Variants in OPRD1 observed in about 807,000 individuals in gnomAD.
OPRD1 encodes opioid receptor delta 1.
OPRD1 carries 19 observed loss-of-function variants against 17.5 expected under a neutral mutation model. The ratio of observed to expected loss-of-function variants is 1.09; its 90% confidence interval spans 0.76 to 1.60. OPRD1 has a LOEUF of 1.60. OPRD1 is among the 40% of genes most tolerant of loss of function. OPRD1 has a pLI of 0.00. For missense variants in OPRD1, 483 were observed against 547.2 expected (o/e 0.88, Z 1.17); for synonymous variants, 256 against 240.9 (o/e 1.06, Z -0.58).
intron 1 of OPRD1, among the ~76,000 whole-genome samples, chr1:28,845,936 G>A (rs2088936672): frequency 6.6e-6 from 1 of 152,170 alleles, no homozygotes; most frequent in Admixed American, 6.6e-5. Flanking sequence ...GATCTTTTAA[G>A]AAACTCACAT....
chr1:28,855,479 T>G, intron 1 of OPRD1, among the ~76,000 whole-genome samples: 2 of 144,422 alleles, frequency 1.4e-5, no homozygotes, highest in East Asian at 2.0e-4. Context: ...AGCAGGGGAG[T>G]GGCATGATTT....
Position 28,865,753 on chromosome 1 carries a change from A to T in OPRD1, c.*2470A>T, listed in dbSNP as rs2089170634. The stretch of plus-strand genomic sequence containing the variant: ...TGTCTGAGGGTGGGAGGTCGTCAGC[A>T]TGGCAGGAGACACTTCTCCTCATCA... On this transcript the variant is annotated 3_prime_UTR_variant, in exon 3 of 3. Coordinates refer to ENST00000234961, the MANE Select transcript of OPRD1 (RefSeq NM_000911.4). The T allele has an allele frequency of 6.6e-6, 1 of 152,028 alleles. No homozygotes were observed. Among genetic ancestry groups the T allele is most frequent in the Admixed American group, 6.6e-5 (1 of 15,254 alleles). The allele number at this position is 152,028 out of a possible 1,614,324, so 9.4% of individuals were successfully genotyped here. A position where few individuals can be genotyped will look rare whatever the true frequency, so the allele number is the denominator to read the frequency against.
chr1:28,823,501 A>G (rs979387089), intron 1 of OPRD1, among the ~76,000 whole-genome samples: 2 of 151,990 alleles, frequency 1.3e-5, no homozygotes, highest in Non-Finnish European at 2.9e-5. Context: ...GGTTCAAGCA[A>G]TTCCCCTGCC....
At chr1:28,860,424 C>G (rs532478851) in intron 2 of OPRD1, among the ~76,000 whole-genome samples, 1 of 151,868 alleles carries the variant, frequency 6.6e-6, no homozygotes, top group Non-Finnish European at 1.5e-5. Flanking sequence ...CATGGCCCCA[C>G]CTTAATGCAA....
At chr1:28,832,121 G>A (rs545043103) in intron 1 of OPRD1, among the ~76,000 whole-genome samples, 1 of 152,276 alleles carries the variant, frequency 6.6e-6, no homozygotes, top group South Asian at 2.1e-4. Flanking sequence ...TGTCCATGAA[G>A]AAGGCTGAAC....
intron 1 of OPRD1, among the ~76,000 whole-genome samples, chr1:28,840,253 TGG>T (rs1339496838): frequency 3.9e-5 from 6 of 152,150 alleles, no homozygotes; most frequent in African/African-American, 1.4e-4. Flanking sequence ...CCCTGCCCTC[TGG>T]GAGCTTATAT....
intron 1 of OPRD1, among the ~76,000 whole-genome samples, chr1:28,835,516 C>T (rs1040686568): frequency 2.0e-5 from 3 of 152,256 alleles, no homozygotes; most frequent in African/African-American, 4.8e-5. Flanking sequence ...TTGCCACTCT[C>T]GTTAAGTGGT....
chr1:28,842,254 G>A (rs10799122), intron 1 of OPRD1, among the ~76,000 whole-genome samples: 3 of 151,890 alleles, frequency 2.0e-5, no homozygotes, highest in African/African-American at 4.8e-5. Flanking sequence ...GGTCTCCAAC[G>A]CCTGAGCTCA....
intron 1 of OPRD1, among the ~76,000 whole-genome samples, chr1:28,852,807 T>G (rs1254737609): frequency 6.6e-6 from 1 of 152,112 alleles, no homozygotes; most frequent in African/African-American, 2.4e-5. Context: ...AACCTCTGCC[T>G]TCCTGGGTGC....
At chr1:28,835,884 G>A (rs932423903) in intron 1 of OPRD1, among the ~76,000 whole-genome samples, 3 of 152,248 alleles carry the variant, frequency 2.0e-5, no homozygotes, top group African/African-American at 7.2e-5. Flanking sequence ...ATCCCTCTGA[G>A]CCTCAACATT....
intron 1 of OPRD1, among the ~76,000 whole-genome samples, chr1:28,841,022 AAAACCAAT>A (rs1361150928): frequency 6.6e-6 from 1 of 152,254 alleles, no homozygotes; most frequent in Non-Finnish European, 1.5e-5. Context: ...GTTAAAAAAC[AAAACCAAT>A]TACAGGCTTA....
intron 1 of OPRD1, among the ~76,000 whole-genome samples, chr1:28,830,668 T>C (rs894382124): frequency 2.0e-5 from 3 of 152,250 alleles, no homozygotes; most frequent in African/African-American, 7.2e-5. Flanking sequence ...ATAATGGTGC[T>C]GATAACTTGC....
chr1:28,832,045 C>G (rs962317047), intron 1 of OPRD1, among the ~76,000 whole-genome samples: 2 of 152,186 alleles, frequency 1.3e-5, no homozygotes, highest in African/African-American at 4.8e-5. Context: ...AGCCTTTGAA[C>G]TGAGGCCCCT....
chr1:28,844,991 C>T (rs1014661404), intron 1 of OPRD1, among the ~76,000 whole-genome samples: 6 of 152,110 alleles, frequency 3.9e-5, no homozygotes, highest in African/African-American at 1.4e-4. Context: ...GGTGACCCAC[C>T]TGCCTTGGCC....
intron 2 of OPRD1, among the ~76,000 whole-genome samples, chr1:28,862,154 T>A (rs562177046): frequency 6.6e-6 from 1 of 151,584 alleles, no homozygotes; most frequent in East Asian, 2.0e-4. Context: ...CCTGACCTCA[T>A]GATCTGCCCT....
chr1:28,818,893 G>A (rs2088690803), intron 1 of OPRD1, among the ~76,000 whole-genome samples: 1 of 152,110 alleles, frequency 6.6e-6, no homozygotes, highest in African/African-American at 2.4e-5. Context: ...GCTGAGGCTG[G>A]ACAGGTCCTC....
At chr1:28,846,682 C>CA (rs2088946378) in intron 1 of OPRD1, among the ~76,000 whole-genome samples, 1 of 85,152 alleles carries the variant, frequency 1.2e-5, no homozygotes, top group Admixed American at 1.5e-4. Context: ...GACTCTGTCT[C>CA]AAAAAAAGAA....
intron 1 of OPRD1, among the ~76,000 whole-genome samples, chr1:28,850,709 G>T (rs1234234576): frequency 1.3e-5 from 2 of 151,456 alleles, no homozygotes; most frequent in African/African-American, 4.8e-5. Context: ...ATTGAGCCTA[G>T]GAGGTTGAGG....
chr1:28,816,082 C>T (rs2088669747), intron 1 of OPRD1, among the ~76,000 whole-genome samples: 1 of 152,172 alleles, frequency 6.6e-6, no homozygotes, highest in Admixed American at 6.6e-5. Context: ...TCTTTGAGAA[C>T]ATGAGGGGCT....
Sources: gnomAD v4.1 joint callset for allele counts (sites outside exome capture counted in the v4.1 genomes callset) on GRCh38, gnomAD v4.1.1 for gene constraint, MANE v1.5 for transcripts, NCBI Gene and HGNC (gene_info 2026-07-23, HGNC 2026-07-21) for gene names.